PRKACA: variants seen among roughly 807,000 people sequenced by gnomAD.
The protein encoded by PRKACA is cAMP-dependent protein kinase catalytic subunit alpha.
In PRKACA, 9 loss-of-function variants were observed where a neutral mutation model predicts 45.8. The observed-to-expected ratio is 0.20, with a 90% CI of 0.12 to 0.34. PRKACA has a LOEUF of 0.34. Among genes scored for constraint, PRKACA ranks in the 10% least tolerant of loss-of-function variants. The pLI is 1.00. For synonymous variants in PRKACA, 160 were observed against 178.6 expected (o/e 0.90, Z 0.83); for missense variants, 238 against 458.6 (o/e 0.52, Z 4.39).
At chr19:14,114,505 G>A (rs150514029) in intron 1 of PRKACA, among the ~76,000 whole-genome samples, 3 of 152,040 alleles carry the variant, frequency 2.0e-5, no homozygotes, top group Non-Finnish European at 4.4e-5. Flanking sequence ...CTTCTTGGGG[G>A]GTGCTTTTCT....
At chr19:14,107,322 C>G in intron 2 of PRKACA, 26 bp downstream of exon 2, 1 of 1,609,088 alleles carries the variant, frequency 6.2e-7, no homozygotes, top group Non-Finnish European at 8.5e-7. Context: ...TCACCCCTCC[C>G]TGGGCTCTGC....
rs781632671 is a variant in PRKACA at position 14,106,714 on chromosome 19, G to A, written c.237+46C>T. ...ACTCTAAGGAGTGGGCACAGTCCAG[G>A]CAAAGGCCTGACAGGCAGGCCCTGA... On this transcript the variant is annotated intron_variant, in intron 3 of 9. Transcript: ENST00000308677. 6 of 1,612,308 alleles carry A rather than the reference G, an allele frequency of 3.7e-6. No individual in the cohort carries two copies. The East Asian group carries it at 1.1e-4, about 30-fold the overall frequency.
chr19:14,098,845 G>A (rs2145751913), intron 5 of PRKACA, among the ~76,000 whole-genome samples: 1 of 151,688 alleles, frequency 6.6e-6, no homozygotes, highest in Admixed American at 6.6e-5. Flanking sequence ...GGGATTCAAG[G>A]GAATTTTCTT....
intron 1 of PRKACA, chr19:14,112,509 C>T (rs1490763569): frequency 6.6e-6 from 1 of 152,070 alleles, no homozygotes; most frequent in Non-Finnish European, 1.5e-5. Flanking sequence ...CTGGAATCTT[C>T]CTTTTGCTGA....
intron 2 of PRKACA, among the ~76,000 whole-genome samples, 184 bp downstream of exon 2, chr19:14,107,164 G>A (rs1363364784): frequency 6.6e-6 from 1 of 152,112 alleles, no homozygotes; most frequent in African/African-American, 2.4e-5. Flanking sequence ...TGGGATGGGG[G>A]TGCCTGGCAT....
chr19:14,102,967 C>T, intron 3 of PRKACA, 53 bp from the exon 4 acceptor site: 1 of 1,386,982 alleles, frequency 7.2e-7, no homozygotes, highest in Non-Finnish European at 1.0e-6. Flanking sequence ...AGAGGGGCCT[C>T]ATTTCCCCTA....
chr19:14,107,949 C>T, intron 1 of PRKACA: 1 of 987,042 alleles, frequency 1.0e-6, no homozygotes. Flanking sequence ...CGCCCGATGC[C>T]CACTCCTCGG....
chr19:14,107,386 T>C lies in PRKACA; in HGVS notation c.70A>G (p.Lys24Glu), dbSNP rs1047760101. 2 of 1,614,146 alleles carry C rather than the reference T, an allele frequency of 1.2e-6. No individual in the cohort carries two copies. The change falls in exon 2 of 10, where the codon AAA (lysine) becomes GAA (glutamate). Residue 24 changes from lysine (K) to glutamate (E), a missense_variant. By Grantham distance (56) the Lys-to-Glu change is moderately conservative. Around this residue, in one of 3 missense-constraint regions of PRKACA, gnomAD observed 93 missense variants for 149.1 expected, o/e 0.62. Coordinates refer to ENST00000308677, the MANE Select transcript of PRKACA (RefSeq NM_002730.4). The part of the protein sequence containing the change: ...ESVKEFLAKA[K>E]EDFLKKWESP... Reference sequence around the variant, plus strand: ...TCCCATTTTTTAAGAAAATCTTCTTTGGCTTTGGCTAAGAATTCTTTCACT... The same window carrying C: ...TCCCATTTTTTAAGAAAATCTTCTTCGGCTTTGGCTAAGAATTCTTTCACT...
rs969613417 is a variant in PRKACA, at chr19:14,091,767, C to T, written c.*1345G>A. On this transcript the variant is annotated 3_prime_UTR_variant, in exon 10 of 10. Coordinates refer to ENST00000308677, the MANE Select transcript of PRKACA (RefSeq NM_002730.4). Reference sequence around the variant, plus strand: ...CACACTGTTCAAGAGGAAGTCTCGTCCTTCGCAGCACACAGGTTGAATCGC... The same window carrying T: ...CACACTGTTCAAGAGGAAGTCTCGTTCTTCGCAGCACACAGGTTGAATCGC... The T allele has an allele frequency of 2.0e-5, 3 of 152,550 alleles. No individual in the cohort carries two copies. Among genetic ancestry groups the T allele is most frequent in the Middle Eastern group, 3.2e-3 (1 of 316 alleles). 9.4% of individuals were successfully genotyped at this position (152,550 alleles called of 1,614,324 possible). A position where few individuals can be genotyped will look rare whatever the true frequency, so the allele number is the denominator to read the frequency against.
chr19:14,101,508 A>T (rs1977442157), intron 4 of PRKACA, among the ~76,000 whole-genome samples: 1 of 152,074 alleles, frequency 6.6e-6, no homozygotes, highest in Non-Finnish European at 1.5e-5. Context: ...AAAGGTTGTG[A>T]GCTGTAATTG....
Position 14,093,046 on chromosome 19 carries a change from TCCCACCCC to T in PRKACA, c.*58_*65del. 1 of 85,260 alleles carries T rather than the reference TCCCACCCC, an allele frequency of 1.2e-5. No homozygotes were observed. Among genetic ancestry groups the T allele is most frequent in the Non-Finnish European group, 2.2e-5 (1 of 45,302 alleles). The allele number at this position is 85,260 out of a possible 1,614,324, so 5.3% of individuals were successfully genotyped here. The stretch of plus-strand genomic sequence containing the variant: ...GCCCTCTGGCTGTTCAATCCAACCC[TCCCACCCC>T]CCCGACCAAAAAAAAGAAAAAAGAA... On this transcript the variant is annotated 3_prime_UTR_variant, in exon 10 of 10. Coordinates refer to ENST00000308677, the MANE Select transcript of PRKACA (RefSeq NM_002730.4).
intron 1 of PRKACA, chr19:14,107,989 G>A (rs1195384717): frequency 3.1e-5 from 31 of 985,866 alleles, no homozygotes; most frequent in Non-Finnish European, 3.5e-5. Flanking sequence ...GAACATCACC[G>A]CCTGGCTAAT....
Position 14,097,203 on chromosome 19 carries a change from G to T in PRKACA, c.765+158C>A. 2 of 1,125,818 alleles carry T rather than the reference G, an allele frequency of 1.8e-6. No individual in the cohort carries two copies. Among genetic ancestry groups the T allele is most frequent in the Non-Finnish European group, 2.6e-6 (2 of 778,716 alleles). The allele number at this position is 1,125,818 out of a possible 1,614,324, so 69.7% of individuals were successfully genotyped here. ...GGACAGCAAGGGGGCTTGAGGTGTT[G>T]GCCTCAGTGTGGCCGGCGCGTCCAG... On this transcript the variant is annotated intron_variant, in intron 8 of 9. Transcript: ENST00000308677. This position sits in a 1 kb window ranked among gnomAD's most constrained non-coding sequence, Gnocchi z 5.4.
Position 14,097,911 on chromosome 19 carries a change from G to A in PRKACA, c.420-21C>T. 1.2e-6 allele frequency: 2 copies of A among 1,613,774 alleles called. No individual in the cohort carries two copies. Among genetic ancestry groups the A allele is most frequent in the Non-Finnish European group, 1.7e-6 (2 of 1,179,842 alleles). On this transcript the variant is annotated intron_variant, in intron 5 of 9. Transcript: ENST00000308677. The surrounding 1 kb of genome is among the most constrained non-coding windows in gnomAD (Gnocchi z 5.4). ...GCTCACTGATGGGGACAAATGGGGA[G>A]GTGAACGTCAGTGGTCATGCCCCAA...
At chr19:14,116,752 T>G (rs774352644) in intron 1 of PRKACA, among the ~76,000 whole-genome samples, 1 of 152,060 alleles carries the variant, frequency 6.6e-6, no homozygotes, top group Non-Finnish European at 1.5e-5. Context: ...GAAGCAATTC[T>G]CTACGTTCAT....
intron 1 of PRKACA, among the ~76,000 whole-genome samples, chr19:14,109,965 A>T (rs12460376): frequency 5.4e-3 from 127 of 23,642 alleles, no homozygotes; most frequent in Non-Finnish European, 8.1e-3. Context: ...AAAAAAAAAA[A>T]ATATATATAT....
intron 9 of PRKACA, 109 bp downstream of exon 9, chr19:14,093,519 C>G: frequency 7.2e-7 from 1 of 1,394,608 alleles, no homozygotes; most frequent in Non-Finnish European, 9.8e-7. Flanking sequence ...GCTCTCTACT[C>G]TAGGTTGCTC....
chr19:14,098,159 A>C, intron 5 of PRKACA: 18 of 364,266 alleles, frequency 4.9e-5, no homozygotes, highest in Non-Finnish European at 5.1e-5. Flanking sequence ...CCACTCAACA[A>C]TGTGGCTGCA....
chr19:14,100,933 G>C, intron 4 of PRKACA, 25 bp from the exon 5 acceptor site: 1 of 1,607,552 alleles, frequency 6.2e-7, no homozygotes, highest in Non-Finnish European at 8.5e-7. Context: ...GGCTGGTCAA[G>C]GGCCCACCCC....
Sources: allele counts gnomAD v4.1 joint callset (sites outside exome capture counted in the v4.1 genomes callset), GRCh38; gene constraint gnomAD v4.1.1; regional missense constraint gnomAD v4.1.1; non-coding constraint Gnocchi (gnomAD v3.1); transcripts MANE v1.5; gene names NCBI Gene and HGNC (gene_info 2026-07-23, HGNC 2026-07-21).